EFCAB6: variants seen among roughly 807,000 people sequenced by gnomAD.
EFCAB6 encodes EF-hand calcium binding domain 6, also known as EF-hand calcium-binding domain-containing protein 6.
Under a neutral mutation model 169.8 loss-of-function variants are expected in EFCAB6, and 156 were observed. The ratio of observed to expected loss-of-function variants is 0.92; its 90% CI spans 0.81 to 1.05. The LOEUF is 1.05. EFCAB6 is among the 50% of genes least tolerant of loss of function. The pLI is 0.00. For synonymous variants in EFCAB6, 698 were observed against 676.4 expected, an observed-to-expected ratio of 1.03 and a Z score of -0.50; for missense variants, 1,800 against 1,829.1, an observed-to-expected ratio of 0.98 and a Z score of 0.29.
chr22:43,718,062 A>AT (rs762297164), intron 8 of EFCAB6, among the ~76,000 whole-genome samples: 147 of 68,628 alleles, frequency 2.1e-3, no homozygotes, highest in African/African-American at 5.4e-3. Context: ...CCATCCATCC[A>AT]CCCATCCATC....
chr22:43,669,119 T>C (rs1473330874), intron 15 of EFCAB6, 74 bp from the exon 16 acceptor site: 1 of 1,342,776 alleles, frequency 7.4e-7, no homozygotes, highest in Non-Finnish European at 9.8e-7. Context: ...TGCCAAGGGT[T>C]GGTGAAGATG....
intron 2 of EFCAB6, 145 bp from the exon 3 acceptor site, chr22:43,782,470 G>C (rs2061859699): frequency 4.3e-6 from 3 of 690,362 alleles, no homozygotes; most frequent in Non-Finnish European, 7.0e-6. Flanking sequence ...TGATGTTTCA[G>C]ACTATTCTTA....
At chr22:43,717,313 G>C (rs918152323) in intron 8 of EFCAB6, among the ~76,000 whole-genome samples, 1 of 150,604 alleles carries the variant, frequency 6.6e-6, no homozygotes, top group Non-Finnish European at 1.5e-5. Flanking sequence ...AAACACTAAA[G>C]CCAGAATTTA....
chr22:43,560,686 C>A (rs74525878), intron 26 of EFCAB6, among the ~76,000 whole-genome samples: 1 of 152,142 alleles, frequency 6.6e-6, no homozygotes, highest in Non-Finnish European at 1.5e-5. Flanking sequence ...AAAAACCCAG[C>A]GTGGGAGGTA....
intron 24 of EFCAB6, among the ~76,000 whole-genome samples, chr22:43,582,275 C>A (rs115648298): frequency 1.1e-3 from 174 of 151,854 alleles, no homozygotes; most frequent in African/African-American, 4.0e-3. Flanking sequence ...GAAAAGAGAT[C>A]CTGTTTAAGG....
At chr22:43,667,845 C>T (rs1274367011) in intron 16 of EFCAB6, among the ~76,000 whole-genome samples, 1 of 152,042 alleles carries the variant, frequency 6.6e-6, no homozygotes, top group African/African-American at 2.4e-5. Flanking sequence ...AGCATGTGGG[C>T]GTGGGTGTTC....
In EFCAB6 at chr22:43,702,561, G is replaced by A. The variant is rs1022331144; in HGVS notation, c.1031+8914C>T. On this transcript the variant is annotated intron_variant, in intron 10 of 31. Coordinates refer to ENST00000262726, the MANE Select transcript of EFCAB6 (RefSeq NM_022785.4). The stretch of plus-strand genomic sequence containing the variant: ...CTACAGAGGGAAAAGAGAGCTGGAG[G>A]TGGACGCCCAGCTTCCTGGCATTCC... Among the ~76,000 whole-genome samples, 6 of 152,234 alleles carry A rather than the reference G, an allele frequency of 3.9e-5. No individual in the cohort carries two copies. The East Asian group carries it at 7.7e-4, about 20-fold the overall frequency.
chr22:43,598,310 GGAAA>G (rs2052191376), intron 23 of EFCAB6, among the ~76,000 whole-genome samples: 1 of 57,660 alleles, frequency 1.7e-5, no homozygotes, highest in African/African-American at 5.4e-5. Context: ...ACTGTCTCCG[GGAAA>G]AAAAAAAAAA....
intron 20 of EFCAB6, among the ~76,000 whole-genome samples, chr22:43,621,372 G>T (rs1302458801): frequency 6.1e-4 from 92 of 152,056 alleles, no homozygotes; most frequent in Non-Finnish European, 1.0e-4. Context: ...AAAGTGCTGG[G>T]ATTACAGGCA....
At chr22:43,758,286 T>C (rs899693808) in intron 5 of EFCAB6, among the ~76,000 whole-genome samples, 1 of 152,204 alleles carries the variant, frequency 6.6e-6, no homozygotes, top group Non-Finnish European at 1.5e-5. Flanking sequence ...GTCTATAAAT[T>C]TGTGTTCTCT....
chr22:43,599,506 T>C (rs1466796866), intron 23 of EFCAB6, among the ~76,000 whole-genome samples: 5 of 57,136 alleles, frequency 8.8e-5, no homozygotes, highest in Non-Finnish European at 1.5e-4. Flanking sequence ...TGAGATTCCA[T>C]CTCAAAAAAA....
chr22:43,773,060 T>C lies in EFCAB6; in HGVS notation c.183A>G (p.Lys61=). ...CGGTAATTTTTTGAAATAAAATCCG[T>C]TTAACATCTAAGGAGGACAGTGTTG... The part of the protein sequence containing the change: ...ANPTLSSLDV[K]RILFQKITDR... Residue 61 remains lysine, a synonymous_variant, in exon 4 of 32, where the codon AAA becomes AAG. Transcript: ENST00000262726. The C allele has an allele frequency of 6.2e-7, 1 of 1,614,216 alleles. No homozygotes were observed. The highest frequency in any genetic ancestry group is 8.5e-7 in the Non-Finnish European group (1 of 1,180,040).
chr22:43,607,273 C>T (rs1430562297), intron 22 of EFCAB6, among the ~76,000 whole-genome samples: 1 of 152,150 alleles, frequency 6.6e-6, no homozygotes, highest in Non-Finnish European at 1.5e-5. Context: ...CAGCTTCCAG[C>T]CCCCGCTAGC....
intron 16 of EFCAB6, 31 bp from the exon 17 acceptor site, chr22:43,667,303 T>C: frequency 6.2e-7 from 1 of 1,606,764 alleles, no homozygotes; most frequent in Non-Finnish European, 8.5e-7. Context: ...TTAGACCCAG[T>C]GTCAACTGAC....
intron 15 of EFCAB6, 114 bp downstream of exon 15, chr22:43,671,859 G>C: frequency 7.9e-7 from 1 of 1,259,040 alleles, no homozygotes; most frequent in South Asian, 1.5e-5. Context: ...GCAAATAGCA[G>C]TTATTATCAA....
rs1256780636 is a variant in EFCAB6, at chr22:43,600,251, C to CTCGGTG, written c.2688_2693dup (p.Asp896_Thr897dup). The CTCGGTG allele has an allele frequency of 1.2e-6, 2 of 1,613,934 alleles. No homozygotes were observed. The highest frequency in any genetic ancestry group is 4.5e-5 in the East Asian group (2 of 44,882). ...CCTGGTAAGTAATGTGCCCTTTTCCCTCGGTGTCGTATCTTAAAACAAAAA... is the reference window on the plus strand; with the variant it reads ...CCTGGTAAGTAATGTGCCCTTTTCCCTCGGTGTCGGTGTCGTATCTTAAAACAAAAA... On this transcript the variant is annotated inframe_insertion, in exon 23 of 32. Transcript: ENST00000262726.
intron 17 of EFCAB6, among the ~76,000 whole-genome samples, chr22:43,647,002 T>C (rs1161880587): frequency 1.3e-5 from 2 of 152,218 alleles, no homozygotes; most frequent in African/African-American, 2.4e-5. Context: ...TGCATGTTCA[T>C]AGACTGTAAC....
rs907578064 is a variant in EFCAB6, at chr22:43,537,210, G to T, written c.4048+167C>A. 3.1e-5 allele frequency: 24 copies of T among 776,544 alleles called. No individual in the cohort carries two copies. Among genetic ancestry groups the T allele is most frequent in the African/African-American group, 2.9e-4 (17 of 57,880 alleles). 48.1% of individuals were successfully genotyped at this position (776,544 alleles called of 1,614,324 possible). ...CCGGGTAGTCGGAATCCTCCTCCATGGGGACCTTTGTATAGTAAGCTGCAC... is the reference window on the plus strand; with the variant it reads ...CCGGGTAGTCGGAATCCTCCTCCATTGGGACCTTTGTATAGTAAGCTGCAC... On this transcript the variant is annotated intron_variant, in intron 29 of 31. Coordinates refer to ENST00000262726, the MANE Select transcript of EFCAB6 (RefSeq NM_022785.4). The surrounding 1 kb of genome is among the most constrained non-coding windows in gnomAD (Gnocchi z 4.3).
intron 17 of EFCAB6, among the ~76,000 whole-genome samples, chr22:43,653,519 C>T (rs901205391): frequency 2.0e-5 from 3 of 152,122 alleles, no homozygotes; most frequent in Non-Finnish European, 4.4e-5. Context: ...ATGTAAACAG[C>T]TTGGAAGTCA....
Sources: allele counts gnomAD v4.1 joint callset (sites outside exome capture counted in the v4.1 genomes callset), GRCh38; gene constraint gnomAD v4.1.1; non-coding constraint Gnocchi (gnomAD v3.1); transcripts MANE v1.5; gene names NCBI Gene and HGNC (gene_info 2026-07-23, HGNC 2026-07-21).